Variants in WWOX observed in about 807,000 individuals in gnomAD.
The protein encoded by WWOX is WW domain containing oxidoreductase.
Under a neutral mutation model 46.2 loss-of-function variants are expected in WWOX, and 69 were observed. The ratio of observed to expected loss-of-function variants is 1.49; its 90% confidence interval spans 1.23 to 1.82. The LOEUF (loss-of-function observed/expected upper bound fraction) is 1.82, where lower values mean the gene tolerates loss of function less well. WWOX is among the 40% of genes most tolerant of loss of function. The pLI is 0.00. For missense variants in WWOX, 919 were observed against 542.6 expected, an observed-to-expected ratio of 1.69 and a Z score of -6.89; for synonymous variants, 359 against 202.6, an observed-to-expected ratio of 1.77 and a Z score of -6.56.
rs899575863 is a variant in WWOX, at chr16:78,873,257, G to C, written c.1057-338351G>C. 4 of 152,192 alleles carry C rather than the reference G, an allele frequency of 2.6e-5. No homozygotes were observed. The South Asian group carries it at 6.2e-4, about 24-fold the overall frequency. The allele number at this position is 152,192 out of a possible 1,614,324, so 9.4% of individuals were successfully genotyped here. On this transcript the variant is annotated intron_variant, in intron 8 of 8. Transcript: ENST00000566780. ...AAAAAAAGTTTAAAAATTTGTTTTAGATAGAGGTTTGAATGTCACTAATTA... is the reference window on the plus strand; with the variant it reads ...AAAAAAAGTTTAAAAATTTGTTTTACATAGAGGTTTGAATGTCACTAATTA...
chr16:79,064,706 C>G (rs771293887), intron 8 of WWOX, among the ~76,000 whole-genome samples: 7 of 152,182 alleles, frequency 4.6e-5, no homozygotes, highest in Non-Finnish European at 8.8e-5. Flanking sequence ...AGAGTCAGCC[C>G]TGAGGGAGGA....
chr16:78,529,630 CA>C (rs564040593), intron 8 of WWOX, among the ~76,000 whole-genome samples: 167 of 151,968 alleles, frequency 1.1e-3, no homozygotes, highest in African/African-American at 3.9e-3. Context: ...TCACACCTGG[CA>C]ATTTTTTTTT....
intron 5 of WWOX, among the ~76,000 whole-genome samples, chr16:78,356,993 A>T (rs963053512): frequency 4.6e-5 from 7 of 152,204 alleles, no homozygotes; most frequent in African/African-American, 1.7e-4. Flanking sequence ...ATGGCCATGT[A>T]TACCTTTGCC....
chr16:78,220,898 C>G (rs1263775162), intron 5 of WWOX, among the ~76,000 whole-genome samples: 1 of 152,176 alleles, frequency 6.6e-6, no homozygotes, highest in African/African-American at 2.4e-5. Flanking sequence ...ATTCTAAAAT[C>G]AGGATTAAGG....
intron 6 of WWOX, among the ~76,000 whole-genome samples, chr16:78,398,976 G>C (rs1298360331): frequency 3.3e-5 from 5 of 152,154 alleles, no homozygotes; most frequent in African/African-American, 1.2e-4. Flanking sequence ...TGGATAGAAG[G>C]ATGGAAGAGG....
chr16:78,477,868 T>C (rs1178595306), intron 8 of WWOX, among the ~76,000 whole-genome samples: 1 of 152,204 alleles, frequency 6.6e-6, no homozygotes, highest in Non-Finnish European at 1.5e-5. Flanking sequence ...TTAGTGGATT[T>C]ATAATATTAG....
intron 8 of WWOX, among the ~76,000 whole-genome samples, chr16:78,889,301 G>C (rs1361378376): frequency 6.6e-6 from 1 of 151,870 alleles, no homozygotes; most frequent in East Asian, 1.9e-4. Context: ...ATGGTGCATA[G>C]TCAAATGCTT....
At chr16:78,931,651 A>G (rs1352084493) in intron 8 of WWOX, among the ~76,000 whole-genome samples, 3 of 152,246 alleles carry the variant, frequency 2.0e-5, no homozygotes, top group African/African-American at 4.8e-5. Flanking sequence ...ATATGCAGTC[A>G]TGGAGTCATC....
chr16:79,171,799 T>G (rs903086709), intron 8 of WWOX, among the ~76,000 whole-genome samples: 4 of 152,190 alleles, frequency 2.6e-5, no homozygotes, highest in Admixed American at 6.5e-5. Context: ...TTTTCTGATG[T>G]CCTGACAGCA....
chr16:78,638,097 C>T (rs758528104), intron 8 of WWOX, among the ~76,000 whole-genome samples: 38 of 152,204 alleles, frequency 2.5e-4, no homozygotes, highest in Non-Finnish European at 4.6e-4. Flanking sequence ...CTAAGCTCTT[C>T]TCTTAGTTAT....
intron 8 of WWOX, among the ~76,000 whole-genome samples, chr16:79,003,783 T>G (rs1385036900): frequency 6.6e-6 from 1 of 152,084 alleles, no homozygotes; most frequent in African/African-American, 2.4e-5. Flanking sequence ...TGACTTAGTC[T>G]CAGAAGGCAG....
chr16:78,237,732 G>T (rs940546723), intron 5 of WWOX: 10 of 152,208 alleles, frequency 6.6e-5, no homozygotes, highest in African/African-American at 1.7e-4. Context: ...GGAGGAAAAT[G>T]ATATGGAATT....
intron 8 of WWOX, among the ~76,000 whole-genome samples, chr16:78,986,747 T>C (rs1253936503): frequency 2.0e-5 from 3 of 152,232 alleles, no homozygotes; most frequent in African/African-American, 4.8e-5. Flanking sequence ...ATCTTTGCCA[T>C]TTCTTGATAG....
intron 8 of WWOX, among the ~76,000 whole-genome samples, chr16:78,635,437 G>A (rs1567453186): frequency 6.6e-6 from 1 of 152,094 alleles, no homozygotes; most frequent in Non-Finnish European, 1.5e-5. Context: ...TCCTTGACTG[G>A]GCAAGAAGGG....
At chr16:78,795,124 A>C (rs2050703452) in intron 8 of WWOX, among the ~76,000 whole-genome samples, 1 of 152,104 alleles carries the variant, frequency 6.6e-6, no homozygotes, top group Non-Finnish European at 1.5e-5. Flanking sequence ...GGTGATGGTG[A>C]TGATATTGAT....
At chr16:78,462,095 G>C (rs2083965147) in intron 8 of WWOX, among the ~76,000 whole-genome samples, 2 of 152,216 alleles carry the variant, frequency 1.3e-5, no homozygotes, top group Non-Finnish European at 2.9e-5. Context: ...TCATATATTA[G>C]AATGCTGCTC....
chr16:78,189,541 A>T (rs1360988379), intron 5 of WWOX, among the ~76,000 whole-genome samples: 1 of 152,248 alleles, frequency 6.6e-6, no homozygotes, highest in African/African-American at 2.4e-5. Flanking sequence ...TACCATTGGG[A>T]CAAGAGGTCT....
chr16:78,801,640 C>G (rs927254516), intron 8 of WWOX, among the ~76,000 whole-genome samples: 1 of 152,186 alleles, frequency 6.6e-6, no homozygotes, highest in African/African-American at 2.4e-5. Context: ...CTCTCCTTAA[C>G]TTTGTTTCTG....
intron 8 of WWOX, among the ~76,000 whole-genome samples, chr16:79,152,575 G>T (rs1385798324): frequency 6.6e-6 from 1 of 151,974 alleles, no homozygotes; most frequent in Non-Finnish European, 1.5e-5. Context: ...GGAGGTTGAG[G>T]CAGGAGAATC....
Sources: gnomAD v4.1 joint callset for allele counts (sites outside exome capture counted in the v4.1 genomes callset) on GRCh38, gnomAD v4.1.1 for gene constraint, MANE v1.5 for transcripts, NCBI Gene and HGNC (gene_info 2026-07-23, HGNC 2026-07-21) for gene names.